CNGB3: variants seen among roughly 807,000 people sequenced by gnomAD.
The protein encoded by CNGB3 is cyclic nucleotide gated channel subunit beta 3.
CNGB3 carries 86 observed loss-of-function variants against 92.8 expected under a neutral mutation model. That is an observed-to-expected ratio of 0.93 (90% CI 0.78 to 1.11). The LOEUF is 1.11. Among genes scored for constraint, CNGB3 ranks in the 50% least tolerant of loss-of-function variants. CNGB3 has a pLI of 0.00. For synonymous variants in CNGB3, 333 were observed against 332.7 expected (o/e 1.00, Z -0.01); for missense variants, 1,026 against 956.8 (o/e 1.07, Z -0.95).
intron 7 of CNGB3, among the ~76,000 whole-genome samples, chr8:86,652,198 G>A (rs1161648803): frequency 1.3e-5 from 2 of 152,060 alleles, no homozygotes; most frequent in South Asian, 2.1e-4. Context: ...AAAAGGTACA[G>A]TTAAAAATAT....
chr8:86,708,648 G>A (rs1824694825), intron 3 of CNGB3, among the ~76,000 whole-genome samples: 1 of 141,012 alleles, frequency 7.1e-6, no homozygotes, highest in East Asian at 2.1e-4. Flanking sequence ...GCTCACTGTA[G>A]CCTCGACTTC....
At chr8:86,601,183 T>A (rs1822290101) in intron 15 of CNGB3, among the ~76,000 whole-genome samples, 1 of 152,118 alleles carries the variant, frequency 6.6e-6, no homozygotes, top group Non-Finnish European at 1.5e-5. Flanking sequence ...GAAATCATAA[T>A]GGCAACACAA....
chr8:86,582,270 T>A (rs900777798), intron 15 of CNGB3, among the ~76,000 whole-genome samples: 3 of 151,890 alleles, frequency 2.0e-5, no homozygotes, highest in Non-Finnish European at 4.4e-5. Context: ...TGGCATGCCC[T>A]GTGGTACCAG....
intron 1 of CNGB3, among the ~76,000 whole-genome samples, chr8:86,740,824 G>T (rs977990195): frequency 2.0e-5 from 3 of 152,002 alleles, no homozygotes; most frequent in African/African-American, 7.3e-5. Context: ...TGATTGAGTG[G>T]CTAGTTTATA....
In CNGB3 at chr8:86,617,072, C is replaced by A. The variant is rs148500582; in HGVS notation, c.1579-5401G>T. ...AATTCAGTGCTGTATAGCTGTGTTACCGATTTGAATGAGGATATTAGAGAT... is the reference window on the plus strand; with the variant it reads ...AATTCAGTGCTGTATAGCTGTGTTAACGATTTGAATGAGGATATTAGAGAT... On this transcript the variant is annotated intron_variant, in intron 13 of 17. Coordinates refer to ENST00000320005, the MANE Select transcript of CNGB3 (RefSeq NM_019098.5). Among the ~76,000 whole-genome samples the A allele has an allele frequency of 1.6e-3, 245 of 152,202 alleles. 1 individual carries two copies. The highest frequency in any genetic ancestry group is 5.5e-3 in the African/African-American group (230 of 41,530).
chr8:86,611,830 G>GA (rs1401300778), intron 13 of CNGB3, among the ~76,000 whole-genome samples, 159 bp from the exon 14 acceptor site: 3 of 151,642 alleles, frequency 2.0e-5, no homozygotes, highest in Middle Eastern at 3.4e-3. Context: ...TCAAAATTTA[G>GA]AAAAAAAATA....
intron 3 of CNGB3, among the ~76,000 whole-genome samples, chr8:86,720,056 A>T (rs1361091961): frequency 6.6e-6 from 1 of 152,138 alleles, no homozygotes; most frequent in Non-Finnish European, 1.5e-5. Flanking sequence ...AGACAATAAC[A>T]TCAGAAAAAC....
intron 1 of CNGB3, among the ~76,000 whole-genome samples, chr8:86,742,945 G>T (rs1467414990): frequency 6.6e-6 from 1 of 152,150 alleles, no homozygotes; most frequent in Non-Finnish European, 1.5e-5. Context: ...ATTCTACGTT[G>T]TGGAGGGCTG....
intron 14 of CNGB3, among the ~76,000 whole-genome samples, chr8:86,606,505 C>T (rs553985323): frequency 6.6e-6 from 1 of 152,186 alleles, no homozygotes; most frequent in East Asian, 1.9e-4. Flanking sequence ...AGTAGAAATT[C>T]CAATATAGAT....
chr8:86,651,398 A>C (rs1361454404), intron 7 of CNGB3, among the ~76,000 whole-genome samples: 2 of 151,950 alleles, frequency 1.3e-5, no homozygotes, highest in Non-Finnish European at 2.9e-5. Flanking sequence ...TAGCTATTAT[A>C]AACAAATTAC....
chr8:86,668,995 G>T (rs1017028121), intron 4 of CNGB3, among the ~76,000 whole-genome samples: 4 of 151,944 alleles, frequency 2.6e-5, no homozygotes, highest in Admixed American at 6.6e-5. Context: ...CTCCAGCCTG[G>T]GTGACAGAGC....
Position 86,693,903 on chromosome 8 carries a change from C to G in CNGB3, c.339-22805G>C, listed in dbSNP as rs961716282. On this transcript the variant is annotated intron_variant, in intron 3 of 17. Transcript: ENST00000320005. ...TCAATCTTTTCCCCACCCTTCCCCC[C>G]CTCTCCATTCCACAAAACCGCCATT... Among the ~76,000 whole-genome samples, 32 of 152,314 alleles carry G rather than the reference C, an allele frequency of 2.1e-4. 2 individuals are homozygous for G. Among genetic ancestry groups the G allele is most frequent in the South Asian group, 1.7e-3 (8 of 4,822 alleles).
chr8:86,657,846 C>A, intron 6 of CNGB3: 1 of 529,220 alleles, frequency 1.9e-6, no homozygotes. Flanking sequence ...TGACCTCTAG[C>A]TCTGGTACAG....
At chr8:86,659,270 T>A in intron 6 of CNGB3, 1 of 812,070 alleles carries the variant, frequency 1.2e-6, no homozygotes. Context: ...TCTGTAGCTG[T>A]TTCAGCAACT....
At chr8:86,626,173 A>G in intron 12 of CNGB3, 93 bp from the exon 13 acceptor site, 1 of 887,024 alleles carries the variant, frequency 1.1e-6, no homozygotes, top group Non-Finnish European at 1.8e-6. Flanking sequence ...AAATAAAGGA[A>G]ACAAAATGCA....
intron 7 of CNGB3, among the ~76,000 whole-genome samples, chr8:86,652,305 T>TA (rs1554612599): frequency 6.6e-6 from 1 of 151,942 alleles, no homozygotes; most frequent in Admixed American, 6.6e-5. Context: ...AATGAGCGAG[T>TA]AGTGAGTGAC....
chr8:86,678,554 CATGTA>C (rs1175911675), intron 3 of CNGB3, among the ~76,000 whole-genome samples: 1 of 152,136 alleles, frequency 6.6e-6, no homozygotes, highest in Non-Finnish European at 1.5e-5. Flanking sequence ...TGCTGCAATG[CATGTA>C]TGGTTCCAAC....
At chr8:86,736,922 C>T (rs1276234431) in intron 2 of CNGB3, among the ~76,000 whole-genome samples, 5 of 152,132 alleles carry the variant, frequency 3.3e-5, no homozygotes, top group East Asian at 1.9e-4. Context: ...CATAATCTAG[C>T]GGTTGAACAG....
Position 86,693,651 on chromosome 8 carries a change from AC to A in CNGB3, c.339-22554del, listed in dbSNP as rs1215858630. On this transcript the variant is annotated intron_variant, in intron 3 of 17. Coordinates refer to ENST00000320005, the MANE Select transcript of CNGB3 (RefSeq NM_019098.5). Reference sequence around the variant, plus strand: ...GATTAGGGAGTGGTGATGACTCTTAACGAGCATGCTGCCTTCAAGCATCTGT... The same window carrying A: ...GATTAGGGAGTGGTGATGACTCTTAAGAGCATGCTGCCTTCAAGCATCTGT... Among the ~76,000 whole-genome samples the A allele has an allele frequency of 3.5e-4, 53 of 151,050 alleles. No individual in the cohort carries two copies. In the South Asian group the frequency reaches 0.011, roughly 31 times the overall value.
Sources: gnomAD v4.1 joint callset for allele counts (sites outside exome capture counted in the v4.1 genomes callset) on GRCh38, gnomAD v4.1.1 for gene constraint, MANE v1.5 for transcripts, NCBI Gene and HGNC (gene_info 2026-07-23, HGNC 2026-07-21) for gene names.